TBL1XR1: variants seen among roughly 807,000 people sequenced by gnomAD.
TBL1XR1 encodes the protein TBL1X/Y related 1, also known as F-box-like/WD repeat-containing protein TBL1XR1.
TBL1XR1 carries 5 observed loss-of-function variants against 66.9 expected under a neutral mutation model. The observed-to-expected ratio is 0.07, with a 90% CI of 0.04 to 0.16. The LOEUF (loss-of-function observed/expected upper bound fraction) is 0.16, where lower values mean the gene tolerates loss of function less well. Among genes scored for constraint, TBL1XR1 ranks in the 10% least tolerant of loss-of-function variants. The pLI is 1.00. For missense variants in TBL1XR1, 238 were observed against 623.2 expected (o/e 0.38, Z 6.58); for synonymous variants, 210 against 206.0 (o/e 1.02, Z -0.17).
At chr3:177,116,778 T>C (rs988777643) in intron 1 of TBL1XR1, among the ~76,000 whole-genome samples, 1 of 152,174 alleles carries the variant, frequency 6.6e-6, no homozygotes, top group Non-Finnish European at 1.5e-5. Flanking sequence ...GTTAACTAAA[T>C]GAGATAATGC....
chr3:177,033,028 A>T lies in TBL1XR1; in HGVS notation c.1359T>A (p.Asp453Glu). The part of the protein sequence containing the change: ...EPVYSVAFSP[D>E]GRYLASGSFD... ...AAGAACCACTTGCCAGATACCTGCC[A>T]TCAGGACTGAAAGCTACACTGTACA... is the stretch of plus-strand genomic sequence containing the variant. The change falls in exon 14 of 16, where the codon GAT becomes GAA. Residue 453 changes from aspartate to glutamate, a missense_variant. Coordinates refer to ENST00000457928, the MANE Select transcript of TBL1XR1 (RefSeq NM_024665.7). 6.2e-7 allele frequency: 1 copy of T among 1,608,608 alleles called. No individual in the cohort carries two copies. The highest frequency in any genetic ancestry group is 8.5e-7 in the Non-Finnish European group (1 of 1,176,660).
At position 177,031,559 on chromosome 3, in the gene TBL1XR1, G is replaced by A. The variant is rs745964444; in HGVS notation, c.1416+1412C>T. Among the ~76,000 whole-genome samples the A allele has an allele frequency of 6.6e-4, 100 of 150,736 alleles. 1 individual carries two copies. Among genetic ancestry groups the A allele is most frequent in the Non-Finnish European group, 1.3e-3 (90 of 67,586 alleles). ...GTTGACCAGCTGGTCTTGAACTCCT[G>A]ACCTCAAGAGAACTGCCCGCCTTGG... On this transcript the variant is annotated intron_variant, in intron 14 of 15. Transcript: ENST00000457928.
chr3:177,154,747 CTCTCTGTAAATAATA>C lies in TBL1XR1; in HGVS notation c.-122+42359_-122+42373del, dbSNP rs1321703744. ...TTTAGAGTTGGAGATTAACACCCTT[CTCTCTGTAAATAATA>C]AAACTAAAAATTAATAACACAGAAG... On this transcript the variant is annotated intron_variant, in intron 1 of 15. Transcript: ENST00000457928. Among the ~76,000 whole-genome samples the C allele has an allele frequency of 3.3e-5, 5 of 152,224 alleles. No individual in the cohort carries two copies. In the South Asian group the frequency reaches 6.2e-4, roughly 19 times the overall value.
At chr3:177,098,987 T>C (rs1418615047) in intron 1 of TBL1XR1, among the ~76,000 whole-genome samples, 1 of 152,244 alleles carries the variant, frequency 6.6e-6, no homozygotes, top group Non-Finnish European at 1.5e-5. Flanking sequence ...CTCTGTTCTC[T>C]TTAAACTTTA....
chr3:177,084,087 C>CAAAAAAAAAAA (rs36022409), intron 2 of TBL1XR1, among the ~76,000 whole-genome samples: 1 of 74,058 alleles, frequency 1.4e-5, no homozygotes. Context: ...GACTCCGTCT[C>CAAAAAAAAAAA]AAAAAAAAAA....
At chr3:177,135,307 C>CTGTCTG (rs1553852678) in intron 1 of TBL1XR1, among the ~76,000 whole-genome samples, 1,690 of 72,500 alleles carry the variant, frequency 0.023, 213 homozygotes, top group African/African-American at 0.083. Flanking sequence ...AGGCCGCACT[C>CTGTCTG]TGTGTGTGTG....
chr3:177,085,248 ACACAAAT>A (rs1361903674), intron 2 of TBL1XR1, among the ~76,000 whole-genome samples: 1 of 152,176 alleles, frequency 6.6e-6, no homozygotes, highest in Non-Finnish European at 1.5e-5. Context: ...AGAACTGAAG[ACACAAAT>A]CACCTTCAGG....
At chr3:177,191,854 A>G (rs1425369486) in intron 1 of TBL1XR1, among the ~76,000 whole-genome samples, 3 of 152,178 alleles carry the variant, frequency 2.0e-5, no homozygotes, top group African/African-American at 7.2e-5. Flanking sequence ...CTGTAATCCC[A>G]GCACTTTGGG....
intron 1 of TBL1XR1, among the ~76,000 whole-genome samples, chr3:177,179,313 T>C (rs1734532864): frequency 6.6e-6 from 1 of 152,132 alleles, no homozygotes; most frequent in Non-Finnish European, 1.5e-5. Context: ...TGTTACCTGA[T>C]GCAAAACATG....
At chr3:177,166,331 C>T (rs567334500) in intron 1 of TBL1XR1, among the ~76,000 whole-genome samples, 25 of 152,100 alleles carry the variant, frequency 1.6e-4, no homozygotes, top group Non-Finnish European at 3.4e-4. Context: ...TAAAAATAGG[C>T]CAAGAATATT....
At chr3:177,035,204 T>C (rs1576985664) in intron 12 of TBL1XR1, among the ~76,000 whole-genome samples, 1 of 152,188 alleles carries the variant, frequency 6.6e-6, no homozygotes, top group South Asian at 2.1e-4. Context: ...TCATAGAATT[T>C]GATACTGTTG....
chr3:177,086,179 C>T (rs1047458306), intron 2 of TBL1XR1, among the ~76,000 whole-genome samples: 1 of 150,746 alleles, frequency 6.6e-6, no homozygotes, highest in Non-Finnish European at 1.5e-5. Context: ...AAGAAACAGG[C>T]AGAATTTATT....
chr3:177,027,838 ATTAAGT>A (rs1362147666), intron 14 of TBL1XR1: 3 of 152,216 alleles, frequency 2.0e-5, no homozygotes, highest in African/African-American at 4.8e-5. Flanking sequence ...AATTTATGAG[ATTAAGT>A]TCAAGTATAG....
chr3:177,175,766 T>G (rs984007771), intron 1 of TBL1XR1, among the ~76,000 whole-genome samples: 4 of 152,130 alleles, frequency 2.6e-5, no homozygotes, highest in African/African-American at 9.7e-5. Flanking sequence ...ATTAAAATAA[T>G]AAGTTATTCA....
chr3:177,099,079 C>A (rs1723858408), intron 1 of TBL1XR1, among the ~76,000 whole-genome samples: 1 of 152,056 alleles, frequency 6.6e-6, no homozygotes, highest in South Asian at 2.1e-4. Context: ...AAAAGTTAAA[C>A]TTTGCAGCCA....
At position 177,098,223 on chromosome 3, in the gene TBL1XR1, A is replaced by ACAAAG. The variant is rs5854739; in HGVS notation, c.-46+242_-46+243insCTTTG. ...ACGAAACTCCGTCTCAAAAAAACAT[A>ACAAAG]AAAAGAAAAGAAAATAGAAATTTTC... On this transcript the variant is annotated intron_variant, in intron 2 of 15. Transcript: ENST00000457928. Among the ~76,000 whole-genome samples, 147 of 150,952 alleles carry ACAAAG rather than the reference A, an allele frequency of 9.7e-4. 2 individuals carry two copies. The highest frequency in any genetic ancestry group is 3.6e-3 in the African/African-American group (146 of 41,048).
chr3:177,131,510 C>A, intron 1 of TBL1XR1: 12 of 257,088 alleles, frequency 4.7e-5, no homozygotes, highest in Non-Finnish European at 6.7e-5. Flanking sequence ...TTCTGAATAT[C>A]TTTTTTTTTT....
At chr3:177,115,721 A>AT (rs911222213) in intron 1 of TBL1XR1, among the ~76,000 whole-genome samples, 1 of 152,140 alleles carries the variant, frequency 6.6e-6, no homozygotes. Context: ...TAAGCTTTTG[A>AT]TTTTTTTAGT....
chr3:177,168,090 G>GAGAT (rs1733036539), intron 1 of TBL1XR1, among the ~76,000 whole-genome samples: 1 of 152,084 alleles, frequency 6.6e-6, no homozygotes, highest in Non-Finnish European at 1.5e-5. Context: ...TCCATGTAAT[G>GAGAT]AGATAAATAT....
Sources: gnomAD v4.1 joint callset for allele counts (sites outside exome capture counted in the v4.1 genomes callset) on GRCh38, gnomAD v4.1.1 for gene constraint, MANE v1.5 for transcripts, NCBI Gene and HGNC (gene_info 2026-07-23, HGNC 2026-07-21) for gene names.